The following SMC1B variants were observed in gnomAD, a reference collection of about 807,000 sequenced individuals.
SMC1B encodes structural maintenance of chromosomes 1B.
Under a neutral mutation model 157.9 loss-of-function variants are expected in SMC1B, and 60 were observed. The observed-to-expected ratio is 0.38, with a 90% CI of 0.31 to 0.47. SMC1B has a LOEUF of 0.47. Among genes scored for constraint, SMC1B ranks in the 20% least tolerant of loss-of-function variants. The pLI, the probability that SMC1B is intolerant of heterozygous loss-of-function variation, is 0.99. For synonymous variants in SMC1B, 445 were observed against 483.0 expected (o/e 0.92, Z 1.03); for missense variants, 1,165 against 1,426.2 (o/e 0.82, Z 2.95).
At chr22:45,403,429 T>C (rs2087219247) in intron 4 of SMC1B, among the ~76,000 whole-genome samples, 1 of 149,814 alleles carries the variant, frequency 6.7e-6, no homozygotes, top group African/African-American at 2.5e-5. Context: ...TAGCAGAAAA[T>C]AAGACAGACT....
chr22:45,362,845 T>G (rs1413182811), intron 16 of SMC1B, 40 bp downstream of exon 16: 2 of 1,545,490 alleles, frequency 1.3e-6, no homozygotes, highest in East Asian at 4.6e-5. Flanking sequence ...GAAGTCATAA[T>G]TTCAATGAAG....
chr22:45,407,173 G>A (rs912530703), intron 2 of SMC1B, among the ~76,000 whole-genome samples: 3 of 152,130 alleles, frequency 2.0e-5, no homozygotes, highest in Admixed American at 2.0e-4. Flanking sequence ...AAGTCAACCT[G>A]GGAACTAGGT....
Position 45,393,599 on chromosome 22 carries a change from T to G in SMC1B, c.1545+35A>C, listed in dbSNP as rs546870050. On this transcript the variant is annotated intron_variant, in intron 9 of 24. Coordinates refer to ENST00000357450, the MANE Select transcript of SMC1B (RefSeq NM_148674.5). ...TTGAAAGCAAACAGGAAAGCTTAGT[T>G]TTTTTTGTTTAAATTAACTATTCAT... The G allele has an allele frequency of 4.1e-5, 62 of 1,520,368 alleles. No homozygotes were observed. In the South Asian group the frequency reaches 7.2e-4, roughly 18 times the overall value. 94.2% of individuals were successfully genotyped at this position (1,520,368 alleles called of 1,614,324 possible). A position where few individuals can be genotyped will look rare whatever the true frequency, so the allele number is the denominator to read the frequency against.
rs879877891 is a variant in SMC1B at position 45,406,599 on chromosome 22, C to T, written c.476G>A (p.Ser159Asn). ...KERTQFFEEI[S>N]TSGELIGEYE... ...TTCTCCTATAAGCTCTCCTGAAGTG[C>T]TGATTTCCTCAAAAAACTGGGTCCT... Residue 159 changes from serine to asparagine, a missense_variant, in exon 4 of 25, where the codon AGC (serine) becomes AAC (asparagine). Physicochemically the swap from Ser to Asn is conservative, Grantham distance 46. Transcript: ENST00000357450. The T allele has an allele frequency of 6.2e-7, 1 of 1,613,584 alleles. No individual in the cohort carries two copies. Among genetic ancestry groups the T allele is most frequent in the Non-Finnish European group, 8.5e-7 (1 of 1,179,892 alleles).
intron 14 of SMC1B, among the ~76,000 whole-genome samples, chr22:45,371,099 T>C (rs1228194247): frequency 6.6e-6 from 1 of 152,206 alleles, no homozygotes; most frequent in African/African-American, 2.4e-5. Flanking sequence ...TGACACAGAA[T>C]AGGTGTTTTA....
intron 16 of SMC1B, among the ~76,000 whole-genome samples, chr22:45,362,313 G>T (rs1009703895): frequency 6.6e-6 from 1 of 151,998 alleles, no homozygotes. Flanking sequence ...AGACTTTTAC[G>T]TTTTTGACAG....
chr22:45,358,052 A>G (rs186534068), intron 19 of SMC1B, among the ~76,000 whole-genome samples: 97 of 152,320 alleles, frequency 6.4e-4, no homozygotes, highest in Admixed American at 3.6e-3. Flanking sequence ...TGAACCTCCC[A>G]TAAGAATCCC....
At chr22:45,382,927 A>G (rs2086950976) in intron 12 of SMC1B, among the ~76,000 whole-genome samples, 1 of 152,184 alleles carries the variant, frequency 6.6e-6, no homozygotes, top group Non-Finnish European at 1.5e-5. Context: ...TGAGGTCAGG[A>G]GTTCAAGACC....
intron 8 of SMC1B, among the ~76,000 whole-genome samples, chr22:45,394,322 CA>C (rs1452324359): frequency 1.3e-5 from 2 of 149,534 alleles, no homozygotes; most frequent in African/African-American, 4.9e-5. Context: ...GACCCTGTCT[CA>C]AAAAAAAAGG....
chr22:45,365,426 G>T (rs1377055967), intron 15 of SMC1B, among the ~76,000 whole-genome samples: 5 of 152,158 alleles, frequency 3.3e-5, no homozygotes, highest in Non-Finnish European at 1.5e-5. Context: ...AGATTAGGCC[G>T]AGCATGGTGG....
intron 21 of SMC1B, among the ~76,000 whole-genome samples, chr22:45,353,090 G>A (rs993356304): frequency 6.6e-6 from 1 of 152,018 alleles, no homozygotes; most frequent in Non-Finnish European, 1.5e-5. Flanking sequence ...GGCCAACATG[G>A]TGAAACCCTG....
chr22:45,355,611 G>A (rs964805314), intron 19 of SMC1B, among the ~76,000 whole-genome samples: 1 of 152,132 alleles, frequency 6.6e-6, no homozygotes, highest in African/African-American at 2.4e-5. Context: ...CTTTTACAGC[G>A]AAGTGAAAAG....
intron 5 of SMC1B, among the ~76,000 whole-genome samples, chr22:45,400,689 C>T (rs773099816): frequency 6.6e-6 from 1 of 152,106 alleles, no homozygotes; most frequent in East Asian, 1.9e-4. Context: ...GAAAAAATAA[C>T]CTCACAGAGG....
In SMC1B at chr22:45,413,486, T is replaced by C; in HGVS notation, c.82A>G (p.Thr28Ala). ...RQVIGPFRRFTCIIGPNGSGK... is the reference protein window; with the variant it reads ...RQVIGPFRRFACIIGPNGSGK... ...GAGCCGTTGGGGCCGATGATGCAGG[T>C]GAACCTCCGGAAGGGGCCAATGACC... Residue 28 changes from threonine (T) to alanine (A), a missense_variant, in exon 1 of 25, where the codon ACC becomes GCC. By Grantham distance (58) the Thr-to-Ala change is moderately conservative. Transcript: ENST00000357450. 1 of 1,609,782 alleles carries C rather than the reference T, an allele frequency of 6.2e-7. No individual in the cohort carries two copies. The highest frequency in any genetic ancestry group is 8.5e-7 in the Non-Finnish European group (1 of 1,178,178).
At chr22:45,358,833 TTTG>T in intron 18 of SMC1B, 38 bp from the exon 19 acceptor site, 1 of 1,496,980 alleles carries the variant, frequency 6.7e-7, no homozygotes, top group Admixed American at 1.7e-5. Context: ...GTTGATTAAG[TTTG>T]TTGTCTTATA....
At chr22:45,363,114 A>T in intron 15 of SMC1B, 88 bp from the exon 16 acceptor site, 2 of 926,048 alleles carry the variant, frequency 2.2e-6, no homozygotes, top group Non-Finnish European at 3.1e-6. Flanking sequence ...ACAAATATAA[A>T]AGTAAAAGGA....
In SMC1B at chr22:45,361,834, A is replaced by G. The variant is rs757058835; in HGVS notation, c.2708+5T>C. 6 of 1,613,304 alleles carry G rather than the reference A, an allele frequency of 3.7e-6. No individual in the cohort carries two copies. The highest frequency in any genetic ancestry group is 5.1e-6 in the Non-Finnish European group (6 of 1,179,726). On this transcript the variant is annotated splice_donor_5th_base_variant and intron_variant, in intron 17 of 24. Transcript: ENST00000357450. Reference sequence around the variant, plus strand: ...GGTCTTTCAAACTGATGAAGTCTTAATTACCTATCAACAGCCAGAAACTTC... The same window carrying G: ...GGTCTTTCAAACTGATGAAGTCTTAGTTACCTATCAACAGCCAGAAACTTC...
At chr22:45,400,468 C>T (rs944487441) in intron 5 of SMC1B, among the ~76,000 whole-genome samples, 1 of 152,156 alleles carries the variant, frequency 6.6e-6, no homozygotes, top group Non-Finnish European at 1.5e-5. Flanking sequence ...TGGATTATAA[C>T]TCTAAATGTA....
At chr22:45,395,015 A>G in intron 7 of SMC1B, among the ~76,000 whole-genome samples, 1 of 152,188 alleles carries the variant, frequency 6.6e-6, no homozygotes, top group Admixed American at 6.5e-5. Flanking sequence ...TTATTTTCAA[A>G]TATCTATATA....
Sources: allele counts gnomAD v4.1 joint callset (sites outside exome capture counted in the v4.1 genomes callset), GRCh38; gene constraint gnomAD v4.1.1; transcripts MANE v1.5; gene names NCBI Gene and HGNC (gene_info 2026-07-23, HGNC 2026-07-21).